Variants in SLC35D2 observed in about 807,000 individuals in gnomAD.
SLC35D2 encodes nucleotide sugar transporter SLC35D2.
A neutral mutation model predicts 41.8 loss-of-function variants in SLC35D2; 43 were observed. The ratio of observed to expected loss-of-function variants is 1.03; its 90% CI spans 0.81 to 1.33. The LOEUF is 1.33. Among genes scored for constraint, SLC35D2 ranks in the 40% most tolerant of loss-of-function variants. The pLI is 0.00. For missense variants in SLC35D2, 380 were observed against 408.4 expected (o/e 0.93, Z 0.60); for synonymous variants, 150 against 163.9 (o/e 0.92, Z 0.65).
At chr9:96,315,047 T>C (rs1828017475) in intron 11 of SLC35D2, 1 of 152,254 alleles carries the variant, frequency 6.6e-6, no homozygotes, top group Admixed American at 6.5e-5. Context: ...TCTCTTTTTA[T>C]AGTTTTTGCC....
downstream of SLC35D2, among the ~76,000 whole-genome samples, chr9:96,317,584 C>CA (rs1321726635): frequency 6.6e-6 from 1 of 152,154 alleles, no homozygotes; most frequent in Non-Finnish European, 1.5e-5. Context: ...AGTCTTAAAA[C>CA]ACATCTTTAA....
chr9:96,326,679 C>G (rs1432672762), intron 9 of SLC35D2, among the ~76,000 whole-genome samples: 1 of 151,860 alleles, frequency 6.6e-6, no homozygotes, highest in African/African-American at 2.4e-5. Context: ...GTGGCATGCG[C>G]CTGTAATCCC....
Position 96,382,490 on chromosome 9 carries a change from C to CTATAT in SLC35D2, c.158+986_158+987insATATA, listed in dbSNP as rs1238926572. On this transcript the variant is annotated intron_variant, in intron 1 of 11. Transcript: ENST00000253270. Reference sequence around the variant, plus strand: ...ATACACACACACACACACACACACACACACACTATATATATATATATATAT... The same window carrying CTATAT: ...ATACACACACACACACACACACACACTATATACACACTATATATATATATATATAT... Among the ~76,000 whole-genome samples, 770 of 144,780 alleles carry CTATAT rather than the reference C, an allele frequency of 5.3e-3. 5 individuals carry two copies. Among genetic ancestry groups the CTATAT allele is most frequent in the Non-Finnish European group, 8.8e-3 (592 of 67,092 alleles). The allele number at this position is 144,780 out of a possible 152,430, so 95.0% of individuals were successfully genotyped here. A position where few individuals can be genotyped will look rare whatever the true frequency, so the allele number is the denominator to read the frequency against.
chr9:96,368,219 A>T, intron 2 of SLC35D2, 53 bp downstream of exon 2: 1 of 1,425,022 alleles, frequency 7.0e-7, no homozygotes, highest in Non-Finnish European at 9.7e-7. Flanking sequence ...TTAAAATGTC[A>T]TTATGAATAC....
intron 4 of SLC35D2, among the ~76,000 whole-genome samples, chr9:96,356,382 C>CTTTTTTTTTT (rs199569097): frequency 2.0e-5 from 2 of 101,434 alleles, no homozygotes; most frequent in Admixed American, 1.0e-4. Flanking sequence ...TTTATTTATT[C>CTTTTTTTTTT]TTTTTTTTTT....
At chr9:96,341,092 T>A (rs186953619) in intron 8 of SLC35D2, among the ~76,000 whole-genome samples, 1 of 151,908 alleles carries the variant, frequency 6.6e-6, no homozygotes, top group African/African-American at 2.4e-5. Context: ...TTTGAGACCA[T>A]CCTGGCCAAC....
At chr9:96,349,735 A>G (rs907967151) in intron 6 of SLC35D2, among the ~76,000 whole-genome samples, 3 of 152,170 alleles carry the variant, frequency 2.0e-5, no homozygotes, top group African/African-American at 4.8e-5. Flanking sequence ...CATGTTGGCC[A>G]GGCTGGTCTC....
chr9:96,323,558 C>A (rs1395405421), intron 10 of SLC35D2, among the ~76,000 whole-genome samples: 3 of 152,184 alleles, frequency 2.0e-5, no homozygotes, highest in Non-Finnish European at 2.9e-5. Flanking sequence ...GAGCCACCCC[C>A]AACTTAAAAG....
At position 96,336,782 on chromosome 9, in the gene SLC35D2, A is replaced by G; in HGVS notation, c.687T>C (p.Ala229=). Residue 229 remains alanine, a splice_region_variant and synonymous_variant, in exon 9 of 12, where the codon GCT becomes GCC. Transcript: ENST00000253270. ...CATTCTTCCATTGGTTGAATTCAGT[A>G]GCCTATTATTAAAAAGAAAAAAACT... ...ISVSTGDLQQ[A]TEFNQWKNVV... The G allele has an allele frequency of 1.3e-6, 2 of 1,556,842 alleles. No individual in the cohort carries two copies. The highest frequency in any genetic ancestry group is 1.2e-5 in the South Asian group (1 of 86,248).
chr9:96,324,846 C>T lies in SLC35D2; in HGVS notation c.753-677G>A, dbSNP rs979908569. 3.3e-5 allele frequency among the ~76,000 whole-genome samples: 5 copies of T among 152,136 alleles called. No homozygotes were observed. The South Asian group carries it at 6.2e-4, about 19-fold the overall frequency. On this transcript the variant is annotated intron_variant, in intron 9 of 11. Coordinates refer to ENST00000253270, the MANE Select transcript of SLC35D2 (RefSeq NM_007001.3). ...CTAGGATTACAGGCGTGAGCCACCGCGCCTGGCCCGCCTGCTGCACTTCCA... is the reference window on the plus strand; with the variant it reads ...CTAGGATTACAGGCGTGAGCCACCGTGCCTGGCCCGCCTGCTGCACTTCCA...
chr9:96,350,815 GACAA>G (rs1236410343), intron 6 of SLC35D2: 1 of 253,968 alleles, frequency 3.9e-6, no homozygotes, highest in East Asian at 6.8e-5. Flanking sequence ...TTATAATGAA[GACAA>G]ACATTCAGTA....
At chr9:96,367,562 C>T (rs1048809045) in intron 2 of SLC35D2, among the ~76,000 whole-genome samples, 1 of 152,072 alleles carries the variant, frequency 6.6e-6, no homozygotes, top group Non-Finnish European at 1.5e-5. Context: ...GGGTGCGGAT[C>T]GCCTGAGGTC....
intron 11 of SLC35D2, among the ~76,000 whole-genome samples, chr9:96,315,186 C>A (rs112737922): frequency 1.1e-3 from 172 of 152,268 alleles, no homozygotes; most frequent in African/African-American, 4.0e-3. Context: ...GTGGTGCAAT[C>A]ATGGCTCACT....
intron 1 of SLC35D2, among the ~76,000 whole-genome samples, chr9:96,371,219 C>T (rs1362692004): frequency 1.3e-5 from 2 of 152,056 alleles, no homozygotes; most frequent in Admixed American, 1.3e-4. Context: ...AATCCCAGCA[C>T]TTTGGGAGGC....
intron 3 of SLC35D2, among the ~76,000 whole-genome samples, chr9:96,362,033 A>G (rs1830298234): frequency 6.6e-6 from 1 of 152,228 alleles, no homozygotes; most frequent in South Asian, 2.1e-4. Flanking sequence ...CATCCAAATT[A>G]CAATAGAACA....
downstream of SLC35D2, among the ~76,000 whole-genome samples, chr9:96,318,690 G>T (rs189959590): frequency 6.7e-4 from 102 of 152,172 alleles, no homozygotes; most frequent in Non-Finnish European, 1.1e-3. Context: ...CAGCCAGGCA[G>T]GTGAGCCTGT....
chr9:96,341,885 G>A (rs1829338101), intron 8 of SLC35D2, among the ~76,000 whole-genome samples: 1 of 151,376 alleles, frequency 6.6e-6, no homozygotes, highest in African/African-American at 2.4e-5. Context: ...TATGCTTTTA[G>A]CCCCAGTGAG....
rs551556201 is a variant in SLC35D2, at chr9:96,368,689, T to C, written c.159-384A>G. Among the ~76,000 whole-genome samples, 11 of 149,472 alleles carry C rather than the reference T, an allele frequency of 7.4e-5. No individual in the cohort carries two copies. The East Asian group carries it at 7.8e-4, about 11-fold the overall frequency. On this transcript the variant is annotated intron_variant, in intron 1 of 11. Coordinates refer to ENST00000253270, the MANE Select transcript of SLC35D2 (RefSeq NM_007001.3). ...GCTAAACATTATATACACACACACA[T>C]ATATATATGTGTATATTATATATAT...
intron 1 of SLC35D2, 82 bp downstream of exon 1, chr9:96,383,395 G>C: frequency 8.4e-7 from 1 of 1,197,260 alleles, no homozygotes; most frequent in African/African-American, 1.6e-5. Context: ...CACCCGCCCT[G>C]TCCCGGGCGC....
Sources: allele counts gnomAD v4.1 joint callset (sites outside exome capture counted in the v4.1 genomes callset), GRCh38; gene constraint gnomAD v4.1.1; transcripts MANE v1.5; gene names NCBI Gene and HGNC (gene_info 2026-07-23, HGNC 2026-07-21).